Variants in MAD1L1 observed in about 807,000 individuals in gnomAD.
MAD1L1 encodes mitotic spindle assembly checkpoint protein MAD1.
Under a neutral mutation model 96.9 loss-of-function variants are expected in MAD1L1, and 95 were observed. That is an observed-to-expected ratio of 0.98 (90% CI 0.83 to 1.16). MAD1L1 has a LOEUF of 1.16. MAD1L1 is among the 50% of genes most tolerant of loss of function. The pLI, the probability that MAD1L1 is intolerant of heterozygous loss-of-function variation, is 0.00. For missense variants in MAD1L1, 1,007 were observed against 954.4 expected, an observed-to-expected ratio of 1.06 and a Z score of -0.73; for synonymous variants, 473 against 396.6, an observed-to-expected ratio of 1.19 and a Z score of -2.29.
intron 18 of MAD1L1, among the ~76,000 whole-genome samples, chr7:1,834,413 A>G (rs1208499507): frequency 1.3e-5 from 2 of 152,256 alleles, no homozygotes; most frequent in Admixed American, 6.5e-5. Context: ...AAGAGAAGAG[A>G]CAAATTATTA....
At chr7:2,215,685 C>T (rs1212562692) in intron 9 of MAD1L1, among the ~76,000 whole-genome samples, 200 bp downstream of exon 9, 2 of 152,158 alleles carry the variant, frequency 1.3e-5, no homozygotes, top group Non-Finnish European at 2.9e-5. Flanking sequence ...ACCTCATTCG[C>T]CCTGCCAGGG....
chr7:2,011,387 T>C (rs1176101385), intron 13 of MAD1L1, among the ~76,000 whole-genome samples: 1 of 152,184 alleles, frequency 6.6e-6, no homozygotes, highest in East Asian at 1.9e-4. Flanking sequence ...GCCTTCACCT[T>C]GCAAACATGC....
chr7:2,036,760 T>A (rs1299936228), intron 12 of MAD1L1, among the ~76,000 whole-genome samples: 1 of 151,916 alleles, frequency 6.6e-6, no homozygotes, highest in African/African-American at 2.4e-5. Flanking sequence ...CTGTAAAGAC[T>A]CAACAGCCCT....
At chr7:2,051,585 T>G (rs911020602) in intron 12 of MAD1L1, among the ~76,000 whole-genome samples, 1 of 152,040 alleles carries the variant, frequency 6.6e-6, no homozygotes, top group African/African-American at 2.4e-5. Context: ...AAACCGCACA[T>G]GAAGACTGGG....
intron 18 of MAD1L1, among the ~76,000 whole-genome samples, chr7:1,856,448 G>A (rs1784257154): frequency 6.6e-6 from 1 of 152,338 alleles, no homozygotes; most frequent in South Asian, 2.1e-4. Flanking sequence ...TGGGAAGGGG[G>A]AACCAGCGCG....
chr7:1,910,469 G>T (rs1323267543), intron 17 of MAD1L1, among the ~76,000 whole-genome samples: 1 of 152,214 alleles, frequency 6.6e-6, no homozygotes, highest in Non-Finnish European at 1.5e-5. Context: ...ACTGTTGAGG[G>T]GACCCCTTGA....
intron 11 of MAD1L1, among the ~76,000 whole-genome samples, chr7:2,111,683 C>T (rs774383991): frequency 2.0e-5 from 3 of 152,216 alleles, no homozygotes; most frequent in Non-Finnish European, 4.4e-5. Flanking sequence ...GGGCCAGCAG[C>T]CGCACGCTGG....
At chr7:1,957,093 T>C (rs951790909) in intron 16 of MAD1L1, among the ~76,000 whole-genome samples, 19 of 152,200 alleles carry the variant, frequency 1.2e-4, no homozygotes, top group African/African-American at 1.7e-4. Context: ...TGACAGGTCC[T>C]AGGCTGAGGA....
At chr7:1,980,662 G>A (rs527752465) in intron 14 of MAD1L1, 121 bp from the exon 15 acceptor site, 111 of 768,062 alleles carry the variant, frequency 1.4e-4, no homozygotes, top group Non-Finnish European at 1.7e-4. Context: ...TGGGAGCTGC[G>A]GGAGAGACCT....
At chr7:2,042,181 A>G (rs1487493932) in intron 12 of MAD1L1, among the ~76,000 whole-genome samples, 3 of 151,470 alleles carry the variant, frequency 2.0e-5, no homozygotes, top group Admixed American at 6.6e-5. Flanking sequence ...ATACACATGC[A>G]CACACACACG....
At chr7:2,213,074 C>T (rs893092522) in intron 10 of MAD1L1, 138 bp downstream of exon 10, 14 of 803,110 alleles carry the variant, frequency 1.7e-5, no homozygotes, top group Middle Eastern at 3.6e-4. Context: ...TAAACCTGAG[C>T]AGCCCAGGAC....
chr7:2,220,829 A>T (rs1793562211), intron 5 of MAD1L1: 1 of 1,520,058 alleles, frequency 6.6e-7, no homozygotes, highest in Non-Finnish European at 8.9e-7. Flanking sequence ...TATTAAAAAC[A>T]TACTAACAAT....
intron 18 of MAD1L1, chr7:1,849,084 G>A (rs879557560): frequency 0.34 from 50,409 of 147,626 alleles, 8,783 homozygotes; most frequent in East Asian, 0.43. Context: ...AAATGCACAT[G>A]CACGGACACA....
chr7:1,937,622 G>A (rs569907848), intron 16 of MAD1L1, among the ~76,000 whole-genome samples: 37 of 150,664 alleles, frequency 2.5e-4, no homozygotes, highest in African/African-American at 8.5e-4. Flanking sequence ...GGGGACAGCC[G>A]CCCCCAGCAG....
At chr7:2,042,766 A>C (rs1783744295) in intron 12 of MAD1L1, among the ~76,000 whole-genome samples, 1 of 152,200 alleles carries the variant, frequency 6.6e-6, no homozygotes, top group South Asian at 2.1e-4. Flanking sequence ...CCTCAGCAGA[A>C]GCAGATGCCG....
At chr7:1,904,039 C>T (rs1787452102) in intron 17 of MAD1L1, among the ~76,000 whole-genome samples, 1 of 122,934 alleles carries the variant, frequency 8.1e-6, no homozygotes, top group Non-Finnish European at 1.8e-5. Flanking sequence ...TTGTGGAACT[C>T]ATGATTGATG....
chr7:1,894,237 G>A (rs1786726969), intron 18 of MAD1L1, among the ~76,000 whole-genome samples: 1 of 152,224 alleles, frequency 6.6e-6, no homozygotes, highest in Non-Finnish European at 1.5e-5. Context: ...AACCCAAGGG[G>A]GAGGATTTCT....
chr7:1,827,281 G>T (rs1381836430), intron 18 of MAD1L1, among the ~76,000 whole-genome samples: 1 of 152,234 alleles, frequency 6.6e-6, no homozygotes, highest in African/African-American at 2.4e-5. Context: ...AGAACACAAT[G>T]AAGGTTAAGG....
intron 12 of MAD1L1, among the ~76,000 whole-genome samples, chr7:2,028,463 T>A (rs1394717469): frequency 6.6e-6 from 1 of 151,740 alleles, no homozygotes; most frequent in African/African-American, 2.4e-5. Flanking sequence ...TAAACACATG[T>A]TAGCATATAG....
Sources: allele counts gnomAD v4.1 joint callset (sites outside exome capture counted in the v4.1 genomes callset), GRCh38; gene constraint gnomAD v4.1.1; transcripts MANE v1.5; gene names NCBI Gene and HGNC (gene_info 2026-07-23, HGNC 2026-07-21).